The following RAD17 variants were observed in gnomAD, a reference collection of about 807,000 sequenced individuals.
RAD17 encodes RAD17 checkpoint clamp loader component.
RAD17 carries 31 observed loss-of-function variants against 81.5 expected under a neutral mutation model. The ratio of observed to expected loss-of-function variants is 0.38; its 90% CI spans 0.29 to 0.51. RAD17 has a LOEUF of 0.51. Among genes scored for constraint, RAD17 ranks in the 20% least tolerant of loss-of-function variants. The pLI is 0.88. For missense variants in RAD17, 681 were observed against 781.2 expected, an observed-to-expected ratio of 0.87 and a Z score of 1.53; for synonymous variants, 261 against 266.2, an observed-to-expected ratio of 0.98 and a Z score of 0.19.
intron 13 of RAD17, 185 bp from the exon 14 acceptor site, chr5:69,392,970 T>A (rs1764638029): frequency 1.9e-6 from 1 of 537,442 alleles, no homozygotes; most frequent in Non-Finnish European, 3.3e-6. Flanking sequence ...ATTGTTAATT[T>A]AGTTCTTGCT....
At chr5:69,372,845 A>T (rs1426851600) in intron 4 of RAD17, among the ~76,000 whole-genome samples, 1 of 152,136 alleles carries the variant, frequency 6.6e-6, no homozygotes, top group Non-Finnish European at 1.5e-5. Flanking sequence ...TCCTGGGCTC[A>T]GCAATCCTAC....
intron 14 of RAD17, 54 bp from the exon 15 acceptor site, chr5:69,393,300 A>G (rs1764657786): frequency 1.9e-6 from 3 of 1,565,258 alleles, no homozygotes; most frequent in Admixed American, 1.8e-5. Flanking sequence ...GTGTGCATAT[A>G]TATTTGACCA....
At chr5:69,381,356 C>T (rs1412082887) in intron 6 of RAD17, among the ~76,000 whole-genome samples, 1 of 151,926 alleles carries the variant, frequency 6.6e-6, no homozygotes, top group African/African-American at 2.4e-5. Flanking sequence ...TGGCGGGCGC[C>T]TGTAGTCCCA....
chr5:69,389,122 G>A lies in RAD17; in HGVS notation c.983G>A (p.Ser328Asn). The part of the protein sequence containing the change: ...CSGDIRSAIN[S>N]LQFSSSKGEN... Reference sequence around the variant, plus strand: ...GGTGATATCAGAAGTGCAATAAACAGCCTCCAGTTTTCTTCTTCAAAAGGT... The same window carrying A: ...GGTGATATCAGAAGTGCAATAAACAACCTCCAGTTTTCTTCTTCAAAAGGT... Residue 328 changes from serine (S) to asparagine (N), a missense_variant, in exon 12 of 19, where the codon AGC (serine) becomes AAC (asparagine). Ser to Asn is a conservative substitution (Grantham distance 46). Transcript: ENST00000354868. The A allele has an allele frequency of 6.3e-7, 1 of 1,584,096 alleles. No individual in the cohort carries two copies. The highest frequency in any genetic ancestry group is 8.6e-7 in the Non-Finnish European group (1 of 1,164,928).
rs201495539 is a variant in RAD17 at position 69,414,220 on chromosome 5, C to T, written c.1941C>T (p.Pro647=). 1.2e-6 allele frequency: 2 copies of T among 1,614,054 alleles called. No individual in the cohort carries two copies. The highest frequency in any genetic ancestry group is 1.7e-5 in the Admixed American group (1 of 59,996). Residue 647 remains proline (P), a synonymous_variant, in exon 19 of 19, where the codon CCC becomes CCT. Transcript: ENST00000354868. ...CCAGTGAACTGCCTGCTAGCCAGCC[C>T]CAGCCCTTTTCAGCCCAAGGAGACA... ...NSASELPASQ[P]QPFSAQGDME...
In RAD17 at chr5:69,385,941, A is replaced by G. The variant is rs969610819; in HGVS notation, c.646-102A>G. Reference sequence around the variant, plus strand: ...CCTGTGAAAGTTCTGTTTAAAATACATTGAATAAATATATTTTTGCCTACC... The same window carrying G: ...CCTGTGAAAGTTCTGTTTAAAATACGTTGAATAAATATATTTTTGCCTACC... On this transcript the variant is annotated intron_variant, in intron 8 of 18. Transcript: ENST00000354868. 1.1e-5 allele frequency: 13 copies of G among 1,150,740 alleles called. No homozygotes were observed. In the African/African-American group the frequency reaches 1.7e-4, roughly 15 times the overall value. 71.3% of individuals were successfully genotyped at this position (1,150,740 alleles called of 1,614,324 possible).
intron 3 of RAD17, 50 bp downstream of exon 3, chr5:69,371,607 A>C (rs779904604): frequency 9.8e-7 from 1 of 1,022,382 alleles, no homozygotes; most frequent in East Asian, 3.1e-5. Flanking sequence ...AATAATTATA[A>C]ATTTTTATAT....
chr5:69,396,353 CTT>C (rs746379046), intron 15 of RAD17, 42 bp from the exon 16 acceptor site: 36 of 1,575,046 alleles, frequency 2.3e-5, no homozygotes, highest in African/African-American at 4.0e-5. Context: ...CAGTAATGCT[CTT>C]TTATAAATCT....
At chr5:69,413,323 C>T (rs968508428) in intron 18 of RAD17, among the ~76,000 whole-genome samples, 6 of 152,098 alleles carry the variant, frequency 3.9e-5, no homozygotes, top group African/African-American at 1.4e-4. Context: ...CCTGTAATCC[C>T]AGCTACTTGG....
At chr5:69,377,449 A>G (rs1388971705) in intron 6 of RAD17, among the ~76,000 whole-genome samples, 6 of 10,352 alleles carry the variant, frequency 5.8e-4, no homozygotes, top group East Asian at 4.6e-3. Context: ...GTATATATAT[A>G]TATATATATA....
chr5:69,370,857 T>G, intron 1 of RAD17, 178 bp from the exon 2 acceptor site: 1 of 233,830 alleles, frequency 4.3e-6, no homozygotes, highest in Non-Finnish European at 8.7e-6. Flanking sequence ...ATGTATAAGT[T>G]TGTAGACCTT....
intron 2 of RAD17, 24 bp downstream of exon 2, chr5:69,371,195 T>G: frequency 2.0e-6 from 1 of 509,874 alleles, no homozygotes; most frequent in Non-Finnish European, 3.7e-6. Context: ...ATGTGTGGTT[T>G]TTTTGTTTTT....
upstream of RAD17, chr5:69,369,502 C>A: frequency 1.2e-6 from 2 of 1,611,336 alleles, no homozygotes; most frequent in Non-Finnish European, 8.5e-7. Flanking sequence ...GTCCCCGCCG[C>A]GACGGCTTCG....
At chr5:69,378,754 AT>A (rs1443258047) in intron 6 of RAD17, among the ~76,000 whole-genome samples, 1 of 152,204 alleles carries the variant, frequency 6.6e-6, no homozygotes, top group Admixed American at 6.5e-5. Context: ...GAAATGTGTC[AT>A]TAGGTGACTT....
intron 1 of RAD17, chr5:69,370,137 A>AC (rs2150752778): frequency 5.3e-6 from 1 of 188,352 alleles, no homozygotes; most frequent in South Asian, 1.1e-4. Context: ...TTACAGGATT[A>AC]CGTTGGACGA....
rs1482135852 is a variant in RAD17, at chr5:69,391,834, A to G, written c.1010A>G (p.Glu337Gly). The G allele has an allele frequency of 1.3e-6, 2 of 1,526,734 alleles. No homozygotes were observed. The highest frequency in any genetic ancestry group is 1.8e-6 in the Non-Finnish European group (2 of 1,141,848). 94.6% of individuals were successfully genotyped at this position (1,526,734 alleles called of 1,614,324 possible). A position where few individuals can be genotyped will look rare whatever the true frequency, so the allele number is the denominator to read the frequency against. ...CACTTGGATGTATATTATTCAGGAG[A>G]AAACAACTTACGGCCAAGGAAAAAA... is the stretch of plus-strand genomic sequence containing the variant. ...NSLQFSSSKG[E>G]NNLRPRKKGM... is the part of the protein sequence containing the mutation. The change falls in exon 13 of 19, where the codon GAA (glutamate) becomes GGA (glycine). Residue 337 changes from glutamate (E) to glycine (G), a missense_variant. Glu to Gly is a moderately conservative substitution (Grantham distance 98). Transcript: ENST00000354868.
rs538346819 is a variant in RAD17, at chr5:69,384,505, C to G, written c.509-292C>G. On this transcript the variant is annotated intron_variant, in intron 7 of 18. Coordinates refer to ENST00000354868, the MANE Select transcript of RAD17 (RefSeq NM_133338.3). ...AATTTGTGTATTTTTTTGTAGAGAC[C>G]GGGTTTCACCATGTTGCCCAGGTTG... Among the ~76,000 whole-genome samples the G allele has an allele frequency of 3.2e-3, 492 of 152,144 alleles. 4 individuals are homozygous for G. The highest frequency in any genetic ancestry group is 0.012 in the African/African-American group (481 of 41,512).
upstream of RAD17, chr5:69,369,491 G>A (rs933973899): frequency 1.2e-6 from 2 of 1,611,410 alleles, no homozygotes; most frequent in African/African-American, 1.3e-5. Flanking sequence ...GAAGCAACAT[G>A]GTCCCCGCCG....
intron 16 of RAD17, 33 bp from the exon 17 acceptor site, chr5:69,400,016 T>A: frequency 6.9e-7 from 1 of 1,440,026 alleles, no homozygotes. Context: ...ATTTCATTTT[T>A]CCTTTCATCT....
Sources: gnomAD v4.1 joint callset for allele counts (sites outside exome capture counted in the v4.1 genomes callset) on GRCh38, gnomAD v4.1.1 for gene constraint, MANE v1.5 for transcripts, NCBI Gene and HGNC (gene_info 2026-07-23, HGNC 2026-07-21) for gene names.